Variants in ERBB4 observed in about 807,000 individuals in gnomAD.
The protein encoded by ERBB4 is receptor tyrosine-protein kinase erbB-4.
Under a neutral mutation model 158.0 loss-of-function variants are expected in ERBB4, and 42 were observed. The ratio of observed to expected loss-of-function variants is 0.27; its 90% CI spans 0.21 to 0.34. The LOEUF is 0.34. ERBB4 is among the 10% of genes least tolerant of loss of function. ERBB4 has a pLI of 1.00. For synonymous variants in ERBB4, 583 were observed against 558.7 expected, an observed-to-expected ratio of 1.04 and a Z score of -0.61; for missense variants, 1,333 against 1,624.1, an observed-to-expected ratio of 0.82 and a Z score of 3.08.
chr2:211,763,183 T>C (rs142774287), intron 4 of ERBB4, among the ~76,000 whole-genome samples: 1 of 152,280 alleles, frequency 6.6e-6, no homozygotes, highest in East Asian at 1.9e-4. Context: ...GTACATTTTA[T>C]CCTGTCAGAA....
intron 20 of ERBB4, among the ~76,000 whole-genome samples, chr2:211,519,829 C>T (rs2066140618): frequency 6.6e-6 from 1 of 152,012 alleles, no homozygotes; most frequent in African/African-American, 2.4e-5. Context: ...TTTAGCTAAA[C>T]TAGAAATACA....
chr2:211,411,741 T>C (rs1041223180), intron 25 of ERBB4, among the ~76,000 whole-genome samples: 1 of 152,118 alleles, frequency 6.6e-6, no homozygotes, highest in Non-Finnish European at 1.5e-5. Context: ...TTAGTGACAA[T>C]AGGATTATAT....
At chr2:211,988,467 C>T (rs2081991854) in intron 2 of ERBB4, among the ~76,000 whole-genome samples, 1 of 152,072 alleles carries the variant, frequency 6.6e-6, no homozygotes, top group East Asian at 1.9e-4. Flanking sequence ...AGAATACTTA[C>T]TGATAACATA....
intron 20 of ERBB4, among the ~76,000 whole-genome samples, chr2:211,513,904 G>GGTACATGT (rs1247793017): frequency 6.6e-6 from 1 of 151,782 alleles, no homozygotes; most frequent in Admixed American, 6.6e-5. Context: ...AAATGTATGG[G>GGTACATGT]GTACATGTGC....
intron 2 of ERBB4, among the ~76,000 whole-genome samples, chr2:211,952,643 G>T (rs981556605): frequency 6.6e-6 from 1 of 152,060 alleles, no homozygotes; most frequent in Non-Finnish European, 1.5e-5. Context: ...TCCAAACCTA[G>T]CCTTTGTGCT....
intron 20 of ERBB4, among the ~76,000 whole-genome samples, chr2:211,533,870 TA>T (rs555777552): frequency 2.2e-3 from 328 of 152,136 alleles, no homozygotes; most frequent in African/African-American, 7.4e-3. Context: ...AAACAAAACT[TA>T]AAAAAATACA....
intron 1 of ERBB4, among the ~76,000 whole-genome samples, chr2:212,146,190 A>G (rs2080666696): frequency 6.6e-6 from 1 of 152,224 alleles, no homozygotes; most frequent in Non-Finnish European, 1.5e-5. Flanking sequence ...TGAATTAAAT[A>G]TTTAGTGTTT....
At chr2:211,623,083 T>G in intron 18 of ERBB4, among the ~76,000 whole-genome samples, 1 of 127,870 alleles carries the variant, frequency 7.8e-6, no homozygotes, top group Admixed American at 8.9e-5. Context: ...TAGTAATGGA[T>G]ATTACAAGAA....
chr2:211,938,675 A>G (rs2080398125), intron 3 of ERBB4, among the ~76,000 whole-genome samples: 1 of 152,060 alleles, frequency 6.6e-6, no homozygotes, highest in Non-Finnish European at 1.5e-5. Context: ...ATGCTTGACT[A>G]TAAAAATAAT....
At chr2:211,939,470 G>A (rs1237814352) in intron 3 of ERBB4, among the ~76,000 whole-genome samples, 1 of 151,730 alleles carries the variant, frequency 6.6e-6, no homozygotes, top group Non-Finnish European at 1.5e-5. Flanking sequence ...CAATTATCAT[G>A]CCTTTGGTAA....
At chr2:211,496,105 C>A (rs913888371) in intron 20 of ERBB4, among the ~76,000 whole-genome samples, 2 of 152,104 alleles carry the variant, frequency 1.3e-5, no homozygotes. Flanking sequence ...ACCTTTCAGA[C>A]AGCTCCTTCT....
At chr2:211,986,911 A>G (rs1159581291) in intron 2 of ERBB4, among the ~76,000 whole-genome samples, 1 of 152,228 alleles carries the variant, frequency 6.6e-6, no homozygotes, top group Non-Finnish European at 1.5e-5. Flanking sequence ...GTGATACTTC[A>G]TATTCAAACA....
intron 1 of ERBB4, among the ~76,000 whole-genome samples, chr2:212,253,925 G>A (rs2084631885): frequency 6.6e-6 from 1 of 152,050 alleles, no homozygotes; most frequent in African/African-American, 2.4e-5. Flanking sequence ...TGTATAGTAT[G>A]TTACTGTACT....
chr2:212,408,231 C>T (rs2091403591), intron 1 of ERBB4, among the ~76,000 whole-genome samples: 1 of 152,008 alleles, frequency 6.6e-6, no homozygotes, highest in Non-Finnish European at 1.5e-5. Flanking sequence ...TTCTCTAATG[C>T]TCTCCCCTAT....
chr2:211,467,871 C>T (rs2064734154), intron 20 of ERBB4, among the ~76,000 whole-genome samples: 1 of 152,110 alleles, frequency 6.6e-6, no homozygotes, highest in Admixed American at 6.6e-5. Flanking sequence ...GTATGTGATT[C>T]CCAAAATATG....
At chr2:212,258,883 C>T (rs1044254070) in intron 1 of ERBB4, among the ~76,000 whole-genome samples, 3 of 151,982 alleles carry the variant, frequency 2.0e-5, no homozygotes, top group South Asian at 2.1e-4. Flanking sequence ...TTTCCTGTGT[C>T]TCAAACAATG....
intron 1 of ERBB4, among the ~76,000 whole-genome samples, chr2:212,433,378 A>C (rs1406671092): frequency 1.3e-5 from 2 of 152,022 alleles, no homozygotes; most frequent in Non-Finnish European, 2.9e-5. Flanking sequence ...ACTGAGACTA[A>C]AATATTCCTT....
chr2:211,820,318 A>T (rs1262841926), intron 3 of ERBB4, among the ~76,000 whole-genome samples: 1 of 151,950 alleles, frequency 6.6e-6, no homozygotes, highest in Non-Finnish European at 1.5e-5. Context: ...ATGCCAATAA[A>T]TTTGAAAACC....
At chr2:211,422,218 A>G (rs902891242) in intron 23 of ERBB4, 114 bp from the exon 24 acceptor site, 1 of 709,830 alleles carries the variant, frequency 1.4e-6, no homozygotes, top group Non-Finnish European at 2.5e-6. Context: ...AATCGTAATG[A>G]TCTGAGAAAG....
Sources: allele counts gnomAD v4.1 joint callset (sites outside exome capture counted in the v4.1 genomes callset), GRCh38; gene constraint gnomAD v4.1.1; transcripts MANE v1.5; gene names NCBI Gene and HGNC (gene_info 2026-07-23, HGNC 2026-07-21).